Variants in ISM1 observed in about 807,000 individuals in gnomAD.
ISM1 encodes isthmin 1, also known as isthmin-1.
In ISM1, 25 loss-of-function variants were observed where a neutral mutation model predicts 46.3. The observed-to-expected ratio is 0.54, with a 90% CI of 0.39 to 0.75. The LOEUF is 0.75. Ranked by LOEUF, ISM1 falls within the 30% of genes least tolerant of loss-of-function variation. The pLI, the probability that ISM1 is intolerant of heterozygous loss-of-function variation, is 0.00. For synonymous variants in ISM1, 255 were observed against 256.7 expected, an observed-to-expected ratio of 0.99 and a Z score of 0.06; for missense variants, 536 against 625.4, an observed-to-expected ratio of 0.86 and a Z score of 1.52.
intron 5 of ISM1, among the ~76,000 whole-genome samples, chr20:13,295,930 G>A (rs2123329911): frequency 6.6e-6 from 1 of 152,356 alleles, no homozygotes; most frequent in African/African-American, 2.4e-5. Flanking sequence ...CTCTGAGCAG[G>A]ACACTTGTGG....
chr20:13,266,818 C>G (rs1196933233), intron 1 of ISM1, among the ~76,000 whole-genome samples: 1 of 152,152 alleles, frequency 6.6e-6, no homozygotes, highest in Non-Finnish European at 1.5e-5. Context: ...GAGATCCACC[C>G]CTCTTGAAAA....
At chr20:13,244,712 A>G (rs1420434262) in intron 1 of ISM1, among the ~76,000 whole-genome samples, 1 of 152,164 alleles carries the variant, frequency 6.6e-6, no homozygotes, top group Non-Finnish European at 1.5e-5. Context: ...CACATTTTCT[A>G]TTGAGAAGAC....
chr20:13,291,723 A>C (rs899800848), intron 4 of ISM1, among the ~76,000 whole-genome samples: 3 of 152,210 alleles, frequency 2.0e-5, no homozygotes, highest in Admixed American at 6.5e-5. Flanking sequence ...AACAATGCTA[A>C]GTGTCCTAGA....
rs116494408 is a variant in ISM1, at chr20:13,298,843, C to A, written c.878-99C>A. The A allele has an allele frequency of 2.5e-3, 2,947 of 1,197,028 alleles. 35 individuals are homozygous for A. The African/African-American group carries it at 0.03, about 12-fold the overall frequency. The allele number at this position is 1,197,028 out of a possible 1,614,324, so 74.2% of individuals were successfully genotyped here. On this transcript the variant is annotated intron_variant, in intron 5 of 5. Coordinates refer to ENST00000262487, the MANE Select transcript of ISM1 (RefSeq NM_080826.2). The stretch of plus-strand genomic sequence containing the variant: ...AGTTGTTGACTTTAGTGTCCTCCTG[C>A]GGGCCCTCAGGAGCAGCCTGGTGTC...
chr20:13,284,955 T>C (rs185167302), intron 3 of ISM1, among the ~76,000 whole-genome samples: 24 of 152,322 alleles, frequency 1.6e-4, no homozygotes, highest in African/African-American at 5.3e-4. Flanking sequence ...GGGAGGATTT[T>C]ATGGGGTATT....
At chr20:13,315,224 C>T in the ISM1 span, among the ~76,000 whole-genome samples, 1 of 151,900 alleles carries the variant, frequency 6.6e-6, no homozygotes, top group African/African-American at 2.4e-5. Flanking sequence ...CATCAATGAC[C>T]TAAATATACC....
the ISM1 span, among the ~76,000 whole-genome samples, chr20:13,319,639 T>C: frequency 6.6e-6 from 1 of 152,214 alleles, no homozygotes. Flanking sequence ...AAAGGATTGG[T>C]TTCCAGAGTT....
At chr20:13,295,587 C>A (rs1416148052) in intron 5 of ISM1, among the ~76,000 whole-genome samples, 2 of 152,166 alleles carry the variant, frequency 1.3e-5, no homozygotes, top group Admixed American at 6.5e-5. Context: ...GACCCAGACA[C>A]CAAGATGGGA....
At chr20:13,305,740 C>G in the ISM1 span, among the ~76,000 whole-genome samples, 16 of 152,114 alleles carry the variant, frequency 1.1e-4, no homozygotes, top group African/African-American at 3.1e-4. Flanking sequence ...GGACATATTC[C>G]AGGATCAGAA....
At position 13,221,715 on chromosome 20, in the gene ISM1, C is replaced by A; in HGVS notation, c.-62C>A. 7.6e-7 allele frequency: 1 copy of A among 1,318,788 alleles called. No homozygotes were observed. The highest frequency in any genetic ancestry group is 9.7e-7 in the Non-Finnish European group (1 of 1,034,650). The allele number at this position is 1,318,788 out of a possible 1,614,324, so 81.7% of individuals were successfully genotyped here. On this transcript the variant is annotated 5_prime_UTR_variant, in exon 1 of 6. Transcript: ENST00000262487. ...TCCCGGGCTCCTACTCCTCCTCCCC[C>A]GGCGTCACCGCCGCCGCCGCCGGCC... is the stretch of plus-strand genomic sequence containing the variant.
At chr20:13,244,816 G>C (rs183811018) in intron 1 of ISM1, among the ~76,000 whole-genome samples, 1 of 152,166 alleles carries the variant, frequency 6.6e-6, no homozygotes, top group African/African-American at 2.4e-5. Context: ...TTTCACCTAA[G>C]TGTCATATTC....
chr20:13,319,990 G>A, the ISM1 span, among the ~76,000 whole-genome samples: 5 of 152,224 alleles, frequency 3.3e-5, no homozygotes, highest in East Asian at 1.9e-4. Context: ...AAACTCCACC[G>A]AAGGGTTGGG....
intron 2 of ISM1, 108 bp from the exon 3 acceptor site, chr20:13,279,526 C>A: frequency 1.8e-6 from 2 of 1,092,274 alleles, no homozygotes; most frequent in South Asian, 3.1e-5. Flanking sequence ...TCCTTCACAA[C>A]GGATGCATCC....
intron 1 of ISM1, among the ~76,000 whole-genome samples, chr20:13,249,846 T>C (rs1489980743): frequency 2.0e-5 from 3 of 152,052 alleles, no homozygotes; most frequent in East Asian, 1.9e-4. Context: ...TTTCCTGGCA[T>C]GTTCATTACA....
chr20:13,247,186 G>A (rs1429873114), intron 1 of ISM1, among the ~76,000 whole-genome samples: 6 of 151,928 alleles, frequency 3.9e-5, no homozygotes, highest in Non-Finnish European at 5.9e-5. Context: ...AGCCGAGATC[G>A]CACCATTGCA....
chr20:13,277,990 G>A (rs1366003641), intron 2 of ISM1, among the ~76,000 whole-genome samples: 3 of 152,202 alleles, frequency 2.0e-5, no homozygotes, highest in Admixed American at 6.5e-5. Flanking sequence ...ACGCCCTGGT[G>A]CAATTTGGCA....
chr20:13,242,122 A>G (rs2039731908), intron 1 of ISM1, among the ~76,000 whole-genome samples: 2 of 152,194 alleles, frequency 1.3e-5, no homozygotes, highest in Non-Finnish European at 2.9e-5. Flanking sequence ...GTTTACTGAC[A>G]AAAGGTCTAG....
chr20:13,264,969 A>G lies in ISM1; in HGVS notation c.139-5535A>G, dbSNP rs183607222. Among the ~76,000 whole-genome samples, 5 of 152,332 alleles carry G rather than the reference A, an allele frequency of 3.3e-5. No individual in the cohort carries two copies. In the East Asian group the frequency reaches 9.6e-4, roughly 29 times the overall value. ...CAGAGGATGCTACCAGAGAAGTGGT[A>G]GCCTAGTGGACAAGTCACAGCGCAG... On this transcript the variant is annotated intron_variant, in intron 1 of 5. Transcript: ENST00000262487.
At chr20:13,289,675 G>A (rs73898762) in intron 4 of ISM1, among the ~76,000 whole-genome samples, 1 of 96,412 alleles carries the variant, frequency 1.0e-5, no homozygotes, top group Admixed American at 9.6e-5. Context: ...GAGGAGGAGG[G>A]GGAGGAGGAG....
Sources: gnomAD v4.1 joint callset for allele counts (sites outside exome capture counted in the v4.1 genomes callset) on GRCh38, gnomAD v4.1.1 for gene constraint, MANE v1.5 for transcripts, NCBI Gene and HGNC (gene_info 2026-07-23, HGNC 2026-07-21) for gene names.